SMYD3: variants seen among roughly 807,000 people sequenced by gnomAD.
SMYD3 encodes histone-lysine N-methyltransferase SMYD3.
A neutral mutation model predicts 57.7 loss-of-function variants in SMYD3; 36 were observed. The ratio of observed to expected loss-of-function variants is 0.62; its 90% CI spans 0.48 to 0.82. SMYD3 has a LOEUF of 0.82. Among genes scored for constraint, SMYD3 ranks in the 40% least tolerant of loss-of-function variants. The pLI, the probability that SMYD3 is intolerant of heterozygous loss-of-function variation, is 0.00. For synonymous variants in SMYD3, 211 were observed against 195.0 expected, an observed-to-expected ratio of 1.08 and a Z score of -0.68; for missense variants, 515 against 538.8, an observed-to-expected ratio of 0.96 and a Z score of 0.44.
chr1:246,286,989 G>A (rs1426525059), intron 5 of SMYD3, among the ~76,000 whole-genome samples: 5 of 151,458 alleles, frequency 3.3e-5, no homozygotes, highest in Middle Eastern at 3.4e-3. Flanking sequence ...TCATGTCTCA[G>A]CCTCCCGAGT....
chr1:246,412,488 A>G (rs1218072629), intron 1 of SMYD3, among the ~76,000 whole-genome samples: 1 of 152,244 alleles, frequency 6.6e-6, no homozygotes, highest in African/African-American at 2.4e-5. Context: ...GATTCCAATA[A>G]AACATATTGA....
chr1:246,011,451 G>C (rs2059280312), intron 5 of SMYD3, among the ~76,000 whole-genome samples: 1 of 152,114 alleles, frequency 6.6e-6, no homozygotes, highest in South Asian at 2.1e-4. Flanking sequence ...GTTTTTCATG[G>C]TCAGAAAGTG....
At chr1:246,225,320 T>G (rs1172621827) in intron 5 of SMYD3, among the ~76,000 whole-genome samples, 4 of 8,468 alleles carry the variant, frequency 4.7e-4, no homozygotes, top group Non-Finnish European at 8.4e-4. Context: ...TGCTGAAAAG[T>G]CAAAAAAAAA....
chr1:246,328,170 G>A (rs1185432687), intron 4 of SMYD3, among the ~76,000 whole-genome samples: 1 of 151,856 alleles, frequency 6.6e-6, no homozygotes, highest in African/African-American at 2.4e-5. Flanking sequence ...CTCCAGCCTG[G>A]ACAAAAAGAG....
intron 5 of SMYD3, among the ~76,000 whole-genome samples, chr1:246,079,262 G>A (rs576755415): frequency 3.9e-5 from 6 of 152,212 alleles, no homozygotes; most frequent in East Asian, 3.9e-4. Context: ...GGACATACAC[G>A]TTAAAAGAAT....
At chr1:245,776,618 T>C (rs2046610215) in intron 10 of SMYD3, among the ~76,000 whole-genome samples, 1 of 152,244 alleles carries the variant, frequency 6.6e-6, no homozygotes, top group South Asian at 2.1e-4. Flanking sequence ...AGATGCCAAG[T>C]ACTCAGAGCC....
intron 5 of SMYD3, among the ~76,000 whole-genome samples, chr1:245,990,977 T>C (rs2058802125): frequency 6.6e-6 from 1 of 152,212 alleles, no homozygotes; most frequent in Non-Finnish European, 1.5e-5. Context: ...TTTATCAACA[T>C]GAAGCATCAT....
chr1:245,754,906 G>A (rs902432882), intron 11 of SMYD3, among the ~76,000 whole-genome samples: 1 of 152,224 alleles, frequency 6.6e-6, no homozygotes, highest in Non-Finnish European at 1.5e-5. Flanking sequence ...GTGCTGGGGC[G>A]CCCAGAGGAA....
intron 1 of SMYD3, among the ~76,000 whole-genome samples, chr1:246,366,710 C>A (rs564581261): frequency 6.6e-6 from 1 of 151,788 alleles, no homozygotes; most frequent in East Asian, 1.9e-4. Context: ...TTGAGGTGGG[C>A]GGATCACGAG....
intron 10 of SMYD3, among the ~76,000 whole-genome samples, chr1:245,766,032 C>G (rs1469938726): frequency 6.6e-6 from 1 of 151,546 alleles, no homozygotes; most frequent in African/African-American, 2.4e-5. Flanking sequence ...TTTTTTCATT[C>G]ATGCTCTTAA....
chr1:245,863,910 C>A, intron 8 of SMYD3, 24 bp from the exon 9 acceptor site: 1 of 1,607,550 alleles, frequency 6.2e-7, no homozygotes, highest in South Asian at 1.1e-5. Flanking sequence ...AAAAGGAAGA[C>A]AAATAATCTA....
chr1:246,009,511 T>G (rs2059239628), intron 5 of SMYD3, among the ~76,000 whole-genome samples: 1 of 152,206 alleles, frequency 6.6e-6, no homozygotes, highest in Admixed American at 6.5e-5. Context: ...CATGTATGTG[T>G]GTATACACAT....
chr1:246,258,394 C>G (rs1392039484), intron 5 of SMYD3, among the ~76,000 whole-genome samples: 1 of 152,150 alleles, frequency 6.6e-6, no homozygotes, highest in African/African-American at 2.4e-5. Flanking sequence ...TTAAGGAACT[C>G]TTGTGAGGCT....
rs536069914 is a variant in SMYD3, at chr1:245,853,254, C to T, written c.1076+5242G>A. On this transcript the variant is annotated intron_variant, in intron 10 of 11. Coordinates refer to ENST00000490107, the MANE Select transcript of SMYD3 (RefSeq NM_001167740.2). ...CCATGAGCATGGATTAGGAAAAGTTCTAAACTAGATACAACAGCCAAGGAC... is the reference window on the plus strand; with the variant it reads ...CCATGAGCATGGATTAGGAAAAGTTTTAAACTAGATACAACAGCCAAGGAC... Among the ~76,000 whole-genome samples the T allele has an allele frequency of 2.2e-3, 333 of 152,246 alleles. 1 individual carries two copies. The highest frequency in any genetic ancestry group is 7.2e-3 in the African/African-American group (298 of 41,528).
intron 5 of SMYD3, among the ~76,000 whole-genome samples, chr1:245,958,380 G>A (rs1329617536): frequency 6.6e-6 from 1 of 151,966 alleles, no homozygotes; most frequent in Non-Finnish European, 1.5e-5. Context: ...TCTCATCACC[G>A]GCCACAAATC....
intron 1 of SMYD3, among the ~76,000 whole-genome samples, chr1:246,390,350 C>T (rs965930315): frequency 2.0e-5 from 3 of 150,658 alleles, no homozygotes; most frequent in African/African-American, 7.3e-5. Context: ...CTAAGATTGG[C>T]TTAAGGTAAA....
chr1:246,258,808 T>A (rs2063944593), intron 5 of SMYD3, among the ~76,000 whole-genome samples: 1 of 146,086 alleles, frequency 6.8e-6, no homozygotes, highest in Admixed American at 7.1e-5. Context: ...CTCAAATTTG[T>A]TTTCCAGGTT....
chr1:246,076,238 T>A (rs1024979455), intron 5 of SMYD3, among the ~76,000 whole-genome samples: 1 of 152,188 alleles, frequency 6.6e-6, no homozygotes, highest in Non-Finnish European at 1.5e-5. Flanking sequence ...CAAACCCGTC[T>A]CTACTTCAGT....
chr1:246,255,926 TAAG>T (rs2063877798), intron 5 of SMYD3, among the ~76,000 whole-genome samples: 2 of 97,112 alleles, frequency 2.1e-5, no homozygotes, highest in Non-Finnish European at 4.1e-5. Context: ...ACATAACTAA[TAAG>T]ATAGATAGAT....
Sources: gnomAD v4.1 joint callset for allele counts (sites outside exome capture counted in the v4.1 genomes callset) on GRCh38, gnomAD v4.1.1 for gene constraint, MANE v1.5 for transcripts, NCBI Gene and HGNC (gene_info 2026-07-23, HGNC 2026-07-21) for gene names.